The following PIDD1 variants were observed in gnomAD, a reference collection of about 807,000 sequenced individuals.
PIDD1 encodes the protein p53-induced death domain protein 1, also known as p53-induced death domain-containing protein 1.
In PIDD1, 72 loss-of-function variants were observed where a neutral mutation model predicts 80.0. The ratio of observed to expected loss-of-function variants is 0.90; its 90% CI spans 0.74 to 1.09. The LOEUF (loss-of-function observed/expected upper bound fraction) is 1.09. PIDD1 is among the 50% of genes least tolerant of loss of function. The pLI is 0.00. For synonymous variants in PIDD1, 655 were observed against 543.5 expected (o/e 1.21, Z -2.85); for missense variants, 1,329 against 1,228.3 (o/e 1.08, Z -1.23).
upstream of PIDD1, among the ~76,000 whole-genome samples, chr11:806,307 G>A (rs1865770361): frequency 6.7e-6 from 1 of 150,284 alleles, no homozygotes; most frequent in African/African-American, 2.5e-5. Flanking sequence ...CTTCTTTCCT[G>A]AGGTCATATC....
At position 799,283 on chromosome 11, in the gene PIDD1, GGCCA is replaced by G. The variant is rs1381115222; in HGVS notation, c.*20_*23del. 6.4e-7 allele frequency: 1 copy of G among 1,554,440 alleles called. No individual in the cohort carries two copies. The highest frequency in any genetic ancestry group is 1.4e-5 in the African/African-American group (1 of 73,684). On this transcript the variant is annotated 3_prime_UTR_variant, in exon 16 of 16. Coordinates refer to ENST00000347755, the MANE Select transcript of PIDD1 (RefSeq NM_145886.4). ...CTGCCCATCCACTGGGGAATATCTGGGCCAGCCTAAAAGTCTGTGGGGCCTAGGC... is the reference window on the plus strand; with the variant it reads ...CTGCCCATCCACTGGGGAATATCTGGGCCTAAAAGTCTGTGGGGCCTAGGC...
Position 801,255 on chromosome 11 carries a change from C to G in PIDD1, c.1593G>C (p.Pro531=). ...SQSGPPSFLQ[P]VTVQLPLPSG... ...AGGGCAGAGGCAGCTGCACGGTGACCGGTTGGAGGAAGCTGGGGGGACCGC... is the reference window on the plus strand; with the variant it reads ...AGGGCAGAGGCAGCTGCACGGTGACGGGTTGGAGGAAGCTGGGGGGACCGC... The change falls in exon 9 of 16, where the codon CCG becomes CCC. Residue 531 remains proline, a synonymous_variant. Transcript: ENST00000347755. The G allele has an allele frequency of 3.2e-6, 5 of 1,570,224 alleles. No homozygotes were observed. Among genetic ancestry groups the G allele is most frequent in the Non-Finnish European group, 4.3e-6 (5 of 1,155,866 alleles).
At position 802,757 on chromosome 11, in the gene PIDD1, G is replaced by C; in HGVS notation, c.844C>G (p.Leu282Val). Reference sequence around the variant, plus strand: ...AGGCGCACAAAGGGGGCGTCTAGCAGCTCAGGGGGCAGGTCCCGGAGCTGG... The same window carrying C: ...AGGCGCACAAAGGGGGCGTCTAGCACCTCAGGGGGCAGGTCCCGGAGCTGG... ...DNQLRDLPPE[L>V]LDAPFVRLQG... The change falls in exon 4 of 16, where the codon CTG becomes GTG. Residue 282 changes from leucine to valine, a missense_variant. Physicochemically the swap from Leu to Val is conservative, Grantham distance 32. Transcript: ENST00000347755. The C allele has an allele frequency of 1.2e-6, 2 of 1,610,694 alleles. No individual in the cohort carries two copies. The highest frequency in any genetic ancestry group is 1.7e-6 in the Non-Finnish European group (2 of 1,179,068).
At position 803,216 on chromosome 11, in the gene PIDD1, T is replaced by A. The variant is rs762145899; in HGVS notation, c.667A>T (p.Asn223Tyr). Residue 223 changes from asparagine (N) to tyrosine (Y), a missense_variant, in exon 3 of 16, where the codon AAC becomes TAC. Asn to Tyr is a moderately radical substitution (Grantham distance 143). Coordinates refer to ENST00000347755, the MANE Select transcript of PIDD1 (RefSeq NM_145886.4). Reference sequence around the variant, plus strand: ...CTCTGCAGCCGGTTGGAGGCCAGGTTGAGCTCCAGGAGGCTGCCCAGGCCT... The same window carrying A: ...CTCTGCAGCCGGTTGGAGGCCAGGTAGAGCTCCAGGAGGCTGCCCAGGCCT... ...IGGLGSLLEL[N>Y]LASNRLQSLP... The A allele has an allele frequency of 1.2e-6, 2 of 1,611,484 alleles. No homozygotes were observed. Among genetic ancestry groups the A allele is most frequent in the Admixed American group, 3.3e-5 (2 of 59,964 alleles).
chr11:805,316 G>T (rs1413593944), upstream of PIDD1: 1 of 721,066 alleles, frequency 1.4e-6, no homozygotes, highest in Non-Finnish European at 1.7e-6. Flanking sequence ...CGCCCCCTCC[G>T]CCGGGCTGGG....
upstream of PIDD1, chr11:805,546 G>A (rs572006160): frequency 1.1e-6 from 1 of 910,078 alleles, no homozygotes; most frequent in East Asian, 1.2e-4. Context: ...CCGCTCCGAG[G>A]CAGACCCGGC....
chr11:803,868 C>T (rs1167395870), intron 2 of PIDD1: 15 of 632,408 alleles, frequency 2.4e-5, no homozygotes, highest in South Asian at 7.9e-5. Context: ...CACTGGGCAG[C>T]GTCAGGGTCC....
chr11:802,169 C>T, intron 6 of PIDD1, 26 bp downstream of exon 6: 5 of 1,572,722 alleles, frequency 3.2e-6, no homozygotes, highest in Non-Finnish European at 4.3e-6. Flanking sequence ...GGCCCACACA[C>T]TGCCCCCGCC....
intron 2 of PIDD1, 119 bp downstream of exon 2, chr11:803,975 G>T: frequency 8.9e-7 from 1 of 1,119,912 alleles, no homozygotes; most frequent in Non-Finnish European, 1.3e-6. Context: ...TTCACACCTG[G>T]GGAGCCGGGA....
upstream of PIDD1, among the ~76,000 whole-genome samples, chr11:806,454 A>G (rs1027004817): frequency 6.6e-6 from 1 of 152,160 alleles, no homozygotes; most frequent in Non-Finnish European, 1.5e-5. Context: ...TCCTGAGGTC[A>G]TATCGGCGGC....
chr11:805,718 C>T (rs1348444226), upstream of PIDD1: 3 of 978,668 alleles, frequency 3.1e-6, no homozygotes, highest in African/African-American at 5.2e-5. Context: ...TGCAAAGACC[C>T]TTCCTTTCGA....
chr11:806,007 A>C (rs1380578820), upstream of PIDD1: 1 of 151,834 alleles, frequency 6.6e-6, no homozygotes, highest in African/African-American at 2.4e-5. Flanking sequence ...GCTGAGGCAG[A>C]AGAATGGCGT....
upstream of PIDD1, among the ~76,000 whole-genome samples, chr11:808,008 C>T (rs1375834419): frequency 6.6e-6 from 1 of 152,134 alleles, no homozygotes; most frequent in Non-Finnish European, 1.5e-5. Flanking sequence ...TGTATTATTT[C>T]AGTCTTACGG....
Position 800,185 on chromosome 11 carries a change from C to T in PIDD1, c.2220G>A (p.Arg740=), listed in dbSNP as rs769677875. ...ACAGGGCGTCTGCGCCCTTCCTCTG[C>T]CGGGCAGCCTCAGCCTCCTCGGGCA... ...VRVPEEAEAA[R]QRKGADALWM... Residue 740 remains arginine, a synonymous_variant, in exon 14 of 16, where the codon CGG becomes CGA. Coordinates refer to ENST00000347755, the MANE Select transcript of PIDD1 (RefSeq NM_145886.4). The T allele has an allele frequency of 6.2e-7, 1 of 1,610,938 alleles. No individual in the cohort carries two copies. The highest frequency in any genetic ancestry group is 2.2e-5 in the East Asian group (1 of 44,850).
chr11:804,222 T>C lies in PIDD1; in HGVS notation c.167A>G (p.Gln56Arg), dbSNP rs146040830. 6.6e-5 allele frequency: 106 copies of C among 1,612,926 alleles called. No individual in the cohort carries two copies. The highest frequency in any genetic ancestry group is 8.6e-5 in the Non-Finnish European group (101 of 1,179,898). ...CACCTGCAGCAGCTGCAGAGGCTGC[T>C]GGACACACAGGTGCAGCAGCTGCTG... ...GCQQLLHLCV[Q>R]QPLQLLQVEF... The change falls in exon 2 of 16, where the codon CAG becomes CGG. Residue 56 changes from glutamine to arginine, a missense_variant. Transcript: ENST00000347755.
intron 6 of PIDD1, 35 bp downstream of exon 6, chr11:802,160 G>C: frequency 1.3e-6 from 2 of 1,567,054 alleles, no homozygotes; most frequent in Non-Finnish European, 8.6e-7. Context: ...CCATGCCCTG[G>C]CCCACACACT....
At position 805,188 on chromosome 11, in the gene PIDD1, A is replaced by C; in HGVS notation, c.-85T>G. On this transcript the variant is annotated 5_prime_UTR_variant, in exon 1 of 16. Coordinates refer to ENST00000347755, the MANE Select transcript of PIDD1 (RefSeq NM_145886.4). ...CCAGGCCGGCGCGTACCTGCGCTGCAGGCGGCGCGCAAAGGGTGGCTGCTC... is the reference window on the plus strand; with the variant it reads ...CCAGGCCGGCGCGTACCTGCGCTGCCGGCGGCGCGCAAAGGGTGGCTGCTC... 3 of 983,376 alleles carry C rather than the reference A, an allele frequency of 3.1e-6. No individual in the cohort carries two copies. Among genetic ancestry groups the C allele is most frequent in the Non-Finnish European group, 3.6e-6 (3 of 828,268 alleles). The allele number at this position is 983,376 out of a possible 1,614,324, so 60.9% of individuals were successfully genotyped here. A position where few individuals can be genotyped will look rare whatever the true frequency, so the allele number is the denominator to read the frequency against.
intron 2 of PIDD1, 34 bp from the exon 3 acceptor site, chr11:803,621 G>A (rs1283528239): frequency 2.5e-6 from 4 of 1,573,056 alleles, no homozygotes; most frequent in South Asian, 1.1e-5. Flanking sequence ...GGCCCTCAGA[G>A]CCAGGGTCCG....
intron 9 of PIDD1, 42 bp downstream of exon 9, chr11:801,176 C>G: frequency 6.5e-7 from 1 of 1,545,078 alleles, no homozygotes; most frequent in South Asian, 1.2e-5. Flanking sequence ...CCCCTCCACC[C>G]TATGGCCACA....
Sources: gnomAD v4.1 joint callset for allele counts (sites outside exome capture counted in the v4.1 genomes callset) on GRCh38, gnomAD v4.1.1 for gene constraint, MANE v1.5 for transcripts, NCBI Gene and HGNC (gene_info 2026-07-23, HGNC 2026-07-21) for gene names.